Variants in PPP2CA observed in about 807,000 individuals in gnomAD.
PPP2CA encodes the protein protein phosphatase 2 catalytic subunit alpha, also known as serine/threonine-protein phosphatase 2A catalytic subunit alpha isoform.
A neutral mutation model predicts 38.8 loss-of-function variants in PPP2CA; 5 were observed. That is an observed-to-expected ratio of 0.13 (90% CI 0.07 to 0.27). PPP2CA has a LOEUF of 0.27. PPP2CA is among the 10% of genes least tolerant of loss of function. PPP2CA has a pLI of 1.00. For synonymous variants in PPP2CA, 152 were observed against 134.0 expected, an observed-to-expected ratio of 1.13 and a Z score of -0.93; for missense variants, 88 against 389.7, an observed-to-expected ratio of 0.23 and a Z score of 6.52.
chr5:134,196,071 G>A lies in PPP2CA; in HGVS notation c.*1701C>T, dbSNP rs1761843827. On this transcript the variant is annotated 3_prime_UTR_variant, in exon 7 of 7. Coordinates refer to ENST00000481195, the MANE Select transcript of PPP2CA (RefSeq NM_002715.4). ...AAGACACACAGAGAATGTATTTCTT[G>A]TGAAAGAAAAGAATGAAATGAAATG... 1 of 152,206 alleles carries A rather than the reference G, an allele frequency of 6.6e-6. No homozygotes were observed. Among genetic ancestry groups the A allele is most frequent in the Non-Finnish European group, 1.5e-5 (1 of 68,036 alleles). The allele number at this position is 152,206 out of a possible 1,614,324, so 9.4% of individuals were successfully genotyped here.
chr5:134,197,450 T>C lies in PPP2CA; in HGVS notation c.*322A>G, dbSNP rs182338714. On this transcript the variant is annotated 3_prime_UTR_variant, in exon 7 of 7. Coordinates refer to ENST00000481195, the MANE Select transcript of PPP2CA (RefSeq NM_002715.4). ...TAGCTAAATGGAAGTTAAATTGTAT[T>C]CACGAGGTGTTAATGTTTACATCTT... 5.8e-5 allele frequency: 16 copies of C among 275,782 alleles called. No homozygotes were observed. Among genetic ancestry groups the C allele is most frequent in the African/African-American group, 3.2e-4 (15 of 47,300 alleles). 17.1% of individuals were successfully genotyped at this position (275,782 alleles called of 1,614,324 possible). A position where few individuals can be genotyped will look rare whatever the true frequency, so the allele number is the denominator to read the frequency against.
intron 1 of PPP2CA, among the ~76,000 whole-genome samples, chr5:134,221,507 T>A (rs1000949073): frequency 1.3e-5 from 2 of 152,156 alleles, no homozygotes; most frequent in Non-Finnish European, 2.9e-5. Flanking sequence ...GGATCATGAT[T>A]TATACTAAGA....
At chr5:134,217,867 C>T (rs1188195675) in intron 1 of PPP2CA, among the ~76,000 whole-genome samples, 1 of 152,188 alleles carries the variant, frequency 6.6e-6, no homozygotes, top group Non-Finnish European at 1.5e-5. Flanking sequence ...TACTACAAAC[C>T]TAAGCTATTG....
intron 2 of PPP2CA, among the ~76,000 whole-genome samples, chr5:134,204,102 C>T (rs536356716): frequency 7.9e-4 from 120 of 152,316 alleles, no homozygotes; most frequent in South Asian, 1.4e-3. Context: ...AAAAATATTT[C>T]GTAGGACTTT....
rs368967601 is a variant in PPP2CA at position 134,221,125 on chromosome 5, CG to C, written c.102+4634del. 4.3e-4 allele frequency among the ~76,000 whole-genome samples: 66 copies of C among 151,802 alleles called. 1 individual carries two copies. The East Asian group carries it at 0.012, about 27-fold the overall frequency. On this transcript the variant is annotated intron_variant, in intron 1 of 6. Transcript: ENST00000481195. ...GGATGAAAAGAGGCTTTTTTGGGGC[CG>C]GGGGGAATGGGGTCTCCCTCTGTCG... is the stretch of plus-strand genomic sequence containing the variant.
chr5:134,217,794 A>C (rs1169214972), intron 1 of PPP2CA, among the ~76,000 whole-genome samples: 2 of 152,232 alleles, frequency 1.3e-5, no homozygotes, highest in South Asian at 4.1e-4. Context: ...GGGATACATC[A>C]AATTATTTAG....
At chr5:134,215,768 T>G (rs1762305591) in intron 1 of PPP2CA, among the ~76,000 whole-genome samples, 2 of 152,112 alleles carry the variant, frequency 1.3e-5, no homozygotes, top group South Asian at 4.1e-4. Flanking sequence ...GTCACCAATG[T>G]TTAATGTATA....
chr5:134,223,647 A>G (rs1490937892), intron 1 of PPP2CA, among the ~76,000 whole-genome samples: 2 of 152,226 alleles, frequency 1.3e-5, no homozygotes, highest in African/African-American at 2.4e-5. Flanking sequence ...GTGGAAAGCA[A>G]TATTAGATGC....
intron 1 of PPP2CA, among the ~76,000 whole-genome samples, chr5:134,214,196 ATAAC>A (rs1762270603): frequency 6.6e-6 from 1 of 152,240 alleles, no homozygotes; most frequent in African/African-American, 2.4e-5. Flanking sequence ...TTTAAGATAT[ATAAC>A]TATCTTATTC....
chr5:134,200,628 G>T, intron 4 of PPP2CA, 132 bp from the exon 5 acceptor site: 3 of 990,258 alleles, frequency 3.0e-6, no homozygotes, highest in East Asian at 2.6e-5. Context: ...AATAGACTGT[G>T]CAGTTGAAGT....
intron 1 of PPP2CA, among the ~76,000 whole-genome samples, chr5:134,220,456 C>CAAAAAAAAAAAAAAAAAA (rs10649430): frequency 1.8e-5 from 1 of 54,054 alleles, no homozygotes; most frequent in Non-Finnish European, 3.3e-5. Context: ...GACTCTATCT[C>CAAAAAAAAAAAAAAAAAA]AAAAAAAAAA....
At chr5:134,200,873 C>T in intron 4 of PPP2CA, 112 bp downstream of exon 4, 2 of 899,986 alleles carry the variant, frequency 2.2e-6, no homozygotes, top group South Asian at 1.6e-5. Flanking sequence ...GTGCTCACAC[C>T]TCAAGTTGTT....
chr5:134,214,892 T>TA (rs1762284076), intron 1 of PPP2CA, among the ~76,000 whole-genome samples: 1 of 152,160 alleles, frequency 6.6e-6, no homozygotes, highest in African/African-American at 2.4e-5. Context: ...TTTTTCATTT[T>TA]AAAATCTATA....
intron 1 of PPP2CA, among the ~76,000 whole-genome samples, chr5:134,218,997 A>G (rs1762382846): frequency 6.6e-6 from 1 of 152,106 alleles, no homozygotes; most frequent in Non-Finnish European, 1.5e-5. Context: ...GGTTGATTCC[A>G]TTACTAGAAT....
chr5:134,199,431 T>C (rs1372342228), intron 5 of PPP2CA: 3 of 312,772 alleles, frequency 9.6e-6, no homozygotes, highest in Non-Finnish European at 1.6e-5. Context: ...GTTTTTTTTT[T>C]AGTACTTTAA....
chr5:134,203,105 T>A (rs564310446), intron 2 of PPP2CA, among the ~76,000 whole-genome samples: 45 of 152,254 alleles, frequency 3.0e-4, no homozygotes, highest in South Asian at 1.2e-3. Context: ...TTTTTTTTTT[T>A]AAATATCTGA....
intron 1 of PPP2CA, among the ~76,000 whole-genome samples, chr5:134,220,740 AG>A (rs1762423758): frequency 1.3e-5 from 2 of 152,218 alleles, no homozygotes; most frequent in African/African-American, 4.8e-5. Flanking sequence ...GCTATCTCAC[AG>A]GTAACTCTGA....
chr5:134,221,817 A>G (rs1301423695), intron 1 of PPP2CA, among the ~76,000 whole-genome samples: 2 of 151,986 alleles, frequency 1.3e-5, no homozygotes, highest in Non-Finnish European at 2.9e-5. Context: ...TAAAAATACA[A>G]AACAGCTGGG....
intron 1 of PPP2CA, among the ~76,000 whole-genome samples, chr5:134,218,369 C>T (rs1762365115): frequency 2.0e-5 from 3 of 152,144 alleles, no homozygotes; most frequent in Admixed American, 1.3e-4. Context: ...TCTGTTTCTG[C>T]AATATCACCT....
Sources: gnomAD v4.1 joint callset for allele counts (sites outside exome capture counted in the v4.1 genomes callset) on GRCh38, gnomAD v4.1.1 for gene constraint, MANE v1.5 for transcripts, NCBI Gene and HGNC (gene_info 2026-07-23, HGNC 2026-07-21) for gene names.